Variants in BCAS3 observed in about 807,000 individuals in gnomAD.
BCAS3 encodes BCAS4/BCAS3 fusion.
Under a neutral mutation model 116.1 loss-of-function variants are expected in BCAS3, and 53 were observed. That is an observed-to-expected ratio of 0.46 (90% confidence interval 0.37 to 0.57). The LOEUF (loss-of-function observed/expected upper bound fraction) is 0.57, where lower values mean the gene tolerates loss of function less well. Ranked by LOEUF, BCAS3 falls within the 20% of genes least tolerant of loss-of-function variation. The pLI, the probability that BCAS3 is intolerant of heterozygous loss-of-function variation, is 0.00. For synonymous variants in BCAS3, 391 were observed against 408.2 expected, an observed-to-expected ratio of 0.96 and a Z score of 0.51; for missense variants, 917 against 1,165.4, an observed-to-expected ratio of 0.79 and a Z score of 3.10.
intron 15 of BCAS3, among the ~76,000 whole-genome samples, chr17:61,011,869 T>A (rs951462701): frequency 6.6e-6 from 1 of 152,114 alleles, no homozygotes; most frequent in Non-Finnish European, 1.5e-5. Context: ...CATTTATTTA[T>A]TTAATGTGTA....
chr17:61,193,569 C>T (rs1017856745), intron 22 of BCAS3, among the ~76,000 whole-genome samples: 2 of 151,082 alleles, frequency 1.3e-5, no homozygotes, highest in African/African-American at 4.9e-5. Context: ...ACCAGTCTGA[C>T]CAACATGAAG....
chr17:61,160,409 T>C (rs1425634736), intron 22 of BCAS3, among the ~76,000 whole-genome samples: 2 of 152,152 alleles, frequency 1.3e-5, no homozygotes, highest in Non-Finnish European at 2.9e-5. Context: ...TTCCGAGCAC[T>C]GATCTAATAG....
chr17:61,369,722 G>T (rs2058947372), intron 23 of BCAS3, among the ~76,000 whole-genome samples: 1 of 152,228 alleles, frequency 6.6e-6, no homozygotes, highest in Non-Finnish European at 1.5e-5. Flanking sequence ...GTGCAAGGGA[G>T]GAAGAGGGGG....
intron 7 of BCAS3, among the ~76,000 whole-genome samples, chr17:60,829,219 G>T (rs1015388976): frequency 6.6e-6 from 1 of 152,156 alleles, no homozygotes; most frequent in African/African-American, 2.4e-5. Context: ...AGAGGGTCGG[G>T]TGTGGTGGCT....
chr17:61,327,427 A>G lies in BCAS3; in HGVS notation c.2426-40900A>G, dbSNP rs1044255006. Reference sequence around the variant, plus strand: ...AATAAATGTAAATGTTTATGACATCATAGAATTGTAATGAGACTATATTGA... The same window carrying G: ...AATAAATGTAAATGTTTATGACATCGTAGAATTGTAATGAGACTATATTGA... On this transcript the variant is annotated intron_variant, in intron 22 of 23. Transcript: ENST00000407086. This position sits in a 1 kb window ranked among gnomAD's most constrained non-coding sequence, Gnocchi z 5.9. Among the ~76,000 whole-genome samples, 5 of 152,226 alleles carry G rather than the reference A, an allele frequency of 3.3e-5. No homozygotes were observed. The highest frequency in any genetic ancestry group is 7.3e-5 in the Non-Finnish European group (5 of 68,044).
At chr17:61,121,394 G>A (rs563825514) in intron 22 of BCAS3, among the ~76,000 whole-genome samples, 5 of 152,108 alleles carry the variant, frequency 3.3e-5, no homozygotes, top group South Asian at 2.1e-4. Flanking sequence ...GAGTATCATC[G>A]TAGAATAAAA....
intron 10 of BCAS3, among the ~76,000 whole-genome samples, chr17:60,893,113 T>C (rs1363972085): frequency 6.6e-6 from 1 of 152,154 alleles, no homozygotes; most frequent in Admixed American, 6.5e-5. Flanking sequence ...TTTGTTTTTT[T>C]CTTGTTCAGT....
chr17:60,933,128 C>G (rs1174081688), intron 13 of BCAS3, among the ~76,000 whole-genome samples: 1 of 151,710 alleles, frequency 6.6e-6, no homozygotes, highest in Non-Finnish European at 1.5e-5. Context: ...GATGGTGCCA[C>G]TGTACTCCAG....
At chr17:60,903,818 G>A (rs568764366) in intron 11 of BCAS3, among the ~76,000 whole-genome samples, 1 of 152,344 alleles carries the variant, frequency 6.6e-6, no homozygotes, top group Non-Finnish European at 1.5e-5. Context: ...AGAGCTGAGA[G>A]AGAGTATTTA....
At chr17:60,708,410 GT>G (rs2037448623) in intron 4 of BCAS3, among the ~76,000 whole-genome samples, 1 of 148,760 alleles carries the variant, frequency 6.7e-6, no homozygotes, top group South Asian at 2.3e-4. Flanking sequence ...CCAAGCTGGA[GT>G]ACAGTGGTGC....
rs560237002 is a variant in BCAS3, at chr17:61,381,304, A to G, written c.2594-10673A>G. ...CCTGAGCCAGCTGAATTGAATAATG[A>G]ATAGAGCCCCGGCACCAGCAGCCAG... On this transcript the variant is annotated intron_variant, in intron 23 of 23. Transcript: ENST00000407086. The surrounding 1 kb of genome is among the most constrained non-coding windows in gnomAD (Gnocchi z 6.0). Among the ~76,000 whole-genome samples, 5 of 152,378 alleles carry G rather than the reference A, an allele frequency of 3.3e-5. No homozygotes were observed. The highest frequency in any genetic ancestry group is 3.3e-4 in the Admixed American group (5 of 15,308).
intron 22 of BCAS3, among the ~76,000 whole-genome samples, chr17:61,322,106 G>A (rs994619790): frequency 2.0e-5 from 3 of 151,942 alleles, no homozygotes; most frequent in African/African-American, 7.3e-5. Context: ...GCTACTTTTT[G>A]TATTTTTAGT....
intron 16 of BCAS3, among the ~76,000 whole-genome samples, chr17:61,016,566 A>G (rs957829440): frequency 7.2e-5 from 11 of 152,204 alleles, no homozygotes; most frequent in Admixed American, 2.6e-4. Flanking sequence ...TGCTAGGTCT[A>G]TGATATCATT....
At chr17:60,937,120 G>C (rs549763412) in intron 13 of BCAS3, among the ~76,000 whole-genome samples, 26 of 152,100 alleles carry the variant, frequency 1.7e-4, no homozygotes, top group South Asian at 1.2e-3. Context: ...ATAGGGAATT[G>C]TTTCCCCATT....
chr17:61,044,211 A>G (rs915501409), intron 19 of BCAS3, among the ~76,000 whole-genome samples: 1 of 151,720 alleles, frequency 6.6e-6, no homozygotes. Context: ...ACTTTCGGAG[A>G]CCAAGGCCGG....
intron 22 of BCAS3, among the ~76,000 whole-genome samples, chr17:61,085,819 T>C (rs2073047881): frequency 6.6e-6 from 1 of 152,228 alleles, no homozygotes; most frequent in African/African-American, 2.4e-5. Context: ...ATTCTGAGAA[T>C]GCTAAGAGAT....
At chr17:61,375,451 G>A (rs1178000084) in intron 23 of BCAS3, among the ~76,000 whole-genome samples, 5 of 152,054 alleles carry the variant, frequency 3.3e-5, no homozygotes, top group Admixed American at 1.3e-4. Context: ...GGAGGGCTGG[G>A]AACTTTTTCA....
chr17:60,756,370 G>A (rs1339417014), intron 6 of BCAS3, among the ~76,000 whole-genome samples: 1 of 152,120 alleles, frequency 6.6e-6, no homozygotes, highest in Non-Finnish European at 1.5e-5. Context: ...GGGGACCCCT[G>A]TTCTAACTGT....
intron 6 of BCAS3, among the ~76,000 whole-genome samples, chr17:60,773,770 C>G (rs781491636): frequency 2.6e-5 from 4 of 152,098 alleles, no homozygotes; most frequent in Non-Finnish European, 5.9e-5. Flanking sequence ...GCCTCAGTGT[C>G]CCAAGTAGTT....
Sources: gnomAD v4.1 joint callset for allele counts (sites outside exome capture counted in the v4.1 genomes callset) on GRCh38, gnomAD v4.1.1 for gene constraint, Gnocchi (gnomAD v3.1) non-coding constraint, MANE v1.5 for transcripts, NCBI Gene and HGNC (gene_info 2026-07-23, HGNC 2026-07-21) for gene names.